The following GCLC variants were observed in gnomAD, a reference collection of about 807,000 sequenced individuals.
GCLC encodes the protein glutamate--cysteine ligase catalytic subunit.
GCLC carries 30 observed loss-of-function variants against 81.5 expected under a neutral mutation model. The ratio of observed to expected loss-of-function variants is 0.37; its 90% CI spans 0.28 to 0.50. The LOEUF is 0.50. Ranked by LOEUF, GCLC falls within the 20% of genes least tolerant of loss-of-function variation. The pLI is 0.96. For synonymous variants in GCLC, 262 were observed against 273.3 expected (o/e 0.96, Z 0.41); for missense variants, 556 against 777.4 (o/e 0.72, Z 3.39).
Position 53,506,216 on chromosome 6 carries a change from C to G in GCLC, c.1198-321G>C, listed in dbSNP as rs1764611262. ...CTTCATCCCTGAGAATTTTAGGAGC[C>G]AGCCTGCCTTTCCAGGTGACACTGG... On this transcript the variant is annotated intron_variant, in intron 10 of 15. Transcript: ENST00000650454. The surrounding 1 kb of genome is among the most constrained non-coding windows in gnomAD (Gnocchi z 4.0). 7 of 356,684 alleles carry G rather than the reference C, an allele frequency of 2.0e-5. No homozygotes were observed. The highest frequency in any genetic ancestry group is 1.6e-4 in the South Asian group (7 of 42,544). The allele number at this position is 356,684 out of a possible 1,614,324, so 22.1% of individuals were successfully genotyped here.
chr6:53,532,264 C>T (rs1447556631), intron 1 of GCLC, among the ~76,000 whole-genome samples: 20 of 152,228 alleles, frequency 1.3e-4, no homozygotes, highest in Non-Finnish European at 5.9e-5. Flanking sequence ...CACATCTGGA[C>T]CTGCTTTGGG....
At chr6:53,528,401 T>C (rs1002269) in intron 1 of GCLC, among the ~76,000 whole-genome samples, 20,012 of 152,172 alleles carry the variant, frequency 0.13, 2,107 homozygotes, top group Admixed American at 0.3. Context: ...TATGTGCTTT[T>C]GTGTACATGA....
intron 1 of GCLC, among the ~76,000 whole-genome samples, chr6:53,540,225 T>G (rs1478655100): frequency 6.6e-6 from 1 of 151,394 alleles, no homozygotes; most frequent in Admixed American, 6.6e-5. Flanking sequence ...TCATCGAAGT[T>G]ATTCACAATA....
At position 53,520,879 on chromosome 6, in the gene GCLC, G is replaced by C. The variant is rs373779746; in HGVS notation, c.345C>G (p.Ser115=). The stretch of plus-strand genomic sequence containing the variant: ...TGTTGGCCTCAACTGTATTGAACTC[G>C]GACATTGTTCCTCCGTAGGGCTGTC... ...TPGQPYGGTM[S]EFNTVEANMR... The change falls in exon 3 of 16, where the codon TCC becomes TCG. Residue 115 remains serine (S), a synonymous_variant. Transcript: ENST00000650454. 6.2e-7 allele frequency: 1 copy of C among 1,613,718 alleles called. No homozygotes were observed. The highest frequency in any genetic ancestry group is 8.5e-7 in the Non-Finnish European group (1 of 1,179,634).
Position 53,522,406 on chromosome 6 carries a change from A to T in GCLC, c.263+9T>A. On this transcript the variant is annotated intron_variant, in intron 2 of 15. Transcript: ENST00000650454. ...TTCAGAAACACTAAATCAGCACATGAGAGCTTACTTTGGGTTTGTCCTTTC... is the reference window on the plus strand; with the variant it reads ...TTCAGAAACACTAAATCAGCACATGTGAGCTTACTTTGGGTTTGTCCTTTC... The T allele has an allele frequency of 6.8e-7, 1 of 1,472,226 alleles. No individual in the cohort carries two copies. Among genetic ancestry groups the T allele is most frequent in the Middle Eastern group, 1.7e-4 (1 of 5,810 alleles). 91.2% of individuals were successfully genotyped at this position (1,472,226 alleles called of 1,614,324 possible).
intron 3 of GCLC, among the ~76,000 whole-genome samples, chr6:53,516,518 A>G (rs1053308612): frequency 1.5e-4 from 23 of 152,158 alleles, no homozygotes; most frequent in African/African-American, 4.1e-4. Context: ...TCTTCATCTA[A>G]TAGGAAGGAC....
At chr6:53,512,394 GTTTC>G (rs1345590502) in intron 6 of GCLC, among the ~76,000 whole-genome samples, 5 of 150,820 alleles carry the variant, frequency 3.3e-5, no homozygotes, top group South Asian at 2.1e-4. Flanking sequence ...TTACTAAGCA[GTTTC>G]TTTTTTTTTT....
At chr6:53,518,353 CG>C (rs1384814535) in intron 3 of GCLC, among the ~76,000 whole-genome samples, 7 of 152,122 alleles carry the variant, frequency 4.6e-5, no homozygotes, top group Non-Finnish European at 1.0e-4. Context: ...CAGGTTCAAG[CG>C]GTTCTCCTGC....
intron 6 of GCLC, among the ~76,000 whole-genome samples, chr6:53,512,397 T>C (rs1764771279): frequency 1.3e-5 from 2 of 152,060 alleles, no homozygotes; most frequent in South Asian, 4.1e-4. Context: ...CTAAGCAGTT[T>C]CTTTTTTTTT....
intron 1 of GCLC, among the ~76,000 whole-genome samples, chr6:53,539,175 G>A (rs1267815463): frequency 6.6e-6 from 1 of 152,222 alleles, no homozygotes; most frequent in Admixed American, 6.5e-5. Context: ...CATGTGAACT[G>A]TGCAGAAGGG....
intron 4 of GCLC, 112 bp downstream of exon 4, chr6:53,515,997 G>A (rs1764863700): frequency 1.4e-6 from 1 of 714,386 alleles, no homozygotes; most frequent in Admixed American, 2.0e-5. Flanking sequence ...CTTAGGAAGA[G>A]AGCCAAAACT....
Position 53,517,258 on chromosome 6 carries a change from T to TG in GCLC, c.447-1037_447-1036insC, listed in dbSNP as rs1289848408. On this transcript the variant is annotated intron_variant, in intron 3 of 15. Transcript: ENST00000650454. Reference sequence around the variant, plus strand: ...TGAGTCACTGTACCAAGTTTTTTTTTTTTTTTTTTTTTTTTTTTTCCAGGG... The same window carrying TG: ...TGAGTCACTGTACCAAGTTTTTTTTTGTTTTTTTTTTTTTTTTTTTCCAGGG... 9.3e-3 allele frequency among the ~76,000 whole-genome samples: 857 copies of TG among 92,066 alleles called. 4 individuals are homozygous for TG. The highest frequency in any genetic ancestry group is 0.015 in the Non-Finnish European group (670 of 43,874). 60.4% of individuals were successfully genotyped at this position (92,066 alleles called of 152,430 possible). A position where few individuals can be genotyped will look rare whatever the true frequency, so the allele number is the denominator to read the frequency against.
intron 11 of GCLC, 77 bp downstream of exon 11, chr6:53,505,726 T>C (rs1331104974): frequency 1.7e-5 from 15 of 880,530 alleles, no homozygotes; most frequent in South Asian, 3.9e-5. Context: ...AGCCTTCTCA[T>C]AGCAGCATCA....
chr6:53,516,418 G>A (rs995614207), intron 3 of GCLC, among the ~76,000 whole-genome samples, 196 bp from the exon 4 acceptor site: 3 of 152,094 alleles, frequency 2.0e-5, no homozygotes, highest in Admixed American at 2.0e-4. Flanking sequence ...TGCTCACAAG[G>A]ATCTTCTTTT....
At chr6:53,532,162 AC>A (rs1763182111) in intron 1 of GCLC, among the ~76,000 whole-genome samples, 1 of 152,218 alleles carries the variant, frequency 6.6e-6, no homozygotes, top group Non-Finnish European at 1.5e-5. Flanking sequence ...ACATACTTTC[AC>A]TTTTTATTAG....
intron 2 of GCLC, 143 bp from the exon 3 acceptor site, chr6:53,521,103 T>C (rs1341388896): frequency 4.2e-6 from 3 of 720,904 alleles, no homozygotes; most frequent in Non-Finnish European, 7.4e-6. Context: ...TCAGTGATTA[T>C]TACTTTTCCA....
Position 53,500,232 on chromosome 6 carries a change from G to A in GCLC, c.1581+15C>T. The stretch of plus-strand genomic sequence containing the variant: ...TGTGCACAGTGAGGGGTACTGTACA[G>A]GGCCACCCTCCTACCTTCCCATTGA... On this transcript the variant is annotated intron_variant, in intron 14 of 15. Transcript: ENST00000650454. 6.2e-7 allele frequency: 1 copy of A among 1,612,098 alleles called. No individual in the cohort carries two copies. Among genetic ancestry groups the A allele is most frequent in the Non-Finnish European group, 8.5e-7 (1 of 1,178,214 alleles).
chr6:53,544,954 C>T lies in GCLC; in HGVS notation c.-309G>A. ...CGCTGCTCCTCCTCCCGCTCCGATG[C>T]GGCGGCGGCGGACCCCACGGCCGCG... On this transcript the variant is annotated 5_prime_UTR_variant, in exon 1 of 16. Transcript: ENST00000650454. 1 of 209,322 alleles carries T rather than the reference C, an allele frequency of 4.8e-6. No homozygotes were observed. The highest frequency in any genetic ancestry group is 9.4e-6 in the Non-Finnish European group (1 of 105,874). 13.0% of individuals were successfully genotyped at this position (209,322 alleles called of 1,614,324 possible). A position where few individuals can be genotyped will look rare whatever the true frequency, so the allele number is the denominator to read the frequency against.
chr6:53,515,010 G>A (rs1228302268), intron 4 of GCLC, among the ~76,000 whole-genome samples: 4 of 152,098 alleles, frequency 2.6e-5, no homozygotes, highest in African/African-American at 9.7e-5. Flanking sequence ...TTGAAATATG[G>A]CTTGTCCTAA....
Sources: allele counts gnomAD v4.1 joint callset (sites outside exome capture counted in the v4.1 genomes callset), GRCh38; gene constraint gnomAD v4.1.1; non-coding constraint Gnocchi (gnomAD v3.1); transcripts MANE v1.5; gene names NCBI Gene and HGNC (gene_info 2026-07-23, HGNC 2026-07-21).